SGCD: variants seen among roughly 807,000 people sequenced by gnomAD.
The protein encoded by SGCD is delta-sarcoglycan.
A neutral mutation model predicts 36.6 loss-of-function variants in SGCD; 18 were observed. The ratio of observed to expected loss-of-function variants is 0.49; its 90% confidence interval spans 0.34 to 0.73. SGCD has a LOEUF of 0.73. Ranked by LOEUF, SGCD falls within the 30% of genes least tolerant of loss-of-function variation. The probability of loss-of-function intolerance (pLI) is 0.01; values close to 1 mark genes in which losing one functional copy is unlikely to be tolerated. For synonymous variants in SGCD, 133 were observed against 130.6 expected, an observed-to-expected ratio of 1.02 and a Z score of -0.12; for missense variants, 387 against 346.7, an observed-to-expected ratio of 1.12 and a Z score of -0.92.
At chr5:156,680,953 G>A (rs766002971) in intron 7 of SGCD, among the ~76,000 whole-genome samples, 1 of 152,148 alleles carries the variant, frequency 6.6e-6, no homozygotes, top group African/African-American at 2.4e-5. Context: ...GCCAGCGAGT[G>A]AGTGCAGGAA....
intron 6 of SGCD, among the ~76,000 whole-genome samples, chr5:156,638,556 A>C (rs114816053): frequency 0.011 from 1,666 of 152,270 alleles, 31 homozygotes; most frequent in African/African-American, 0.037. Context: ...CCTTACCTAG[A>C]GGCTGCCTTG....
At chr5:156,130,040 C>A (rs1037678414) in intron 3 of SGCD, among the ~76,000 whole-genome samples, 1 of 152,132 alleles carries the variant, frequency 6.6e-6, no homozygotes, top group African/African-American at 2.4e-5. Flanking sequence ...GGTAATTCTG[C>A]TTTTAGCTGT....
chr5:156,584,139 A>G (rs1760395356), intron 4 of SGCD, among the ~76,000 whole-genome samples: 1 of 152,172 alleles, frequency 6.6e-6, no homozygotes, highest in African/African-American at 2.4e-5. Flanking sequence ...TATCTCCCTT[A>G]AGCATCAAAC....
intron 4 of SGCD, among the ~76,000 whole-genome samples, chr5:156,519,986 A>G (rs1757332985): frequency 6.6e-6 from 1 of 152,182 alleles, no homozygotes; most frequent in Non-Finnish European, 1.5e-5. Flanking sequence ...CACCACTCCT[A>G]TTCAACATAG....
chr5:156,416,199 A>C (rs1311638853), intron 3 of SGCD, among the ~76,000 whole-genome samples: 1 of 152,332 alleles, frequency 6.6e-6, no homozygotes, highest in South Asian at 2.1e-4. Flanking sequence ...AAAAGGAATA[A>C]AATAATGGCA....
At chr5:155,917,034 C>T (rs1396008898) in intron 1 of SGCD, among the ~76,000 whole-genome samples, 3 of 152,102 alleles carry the variant, frequency 2.0e-5, no homozygotes, top group East Asian at 1.9e-4. Flanking sequence ...ATCTGTAGAG[C>T]GTTTCCGAGT....
At chr5:156,384,552 G>A (rs555628678) in intron 3 of SGCD, among the ~76,000 whole-genome samples, 27 of 152,146 alleles carry the variant, frequency 1.8e-4, no homozygotes, top group Non-Finnish European at 3.2e-4. Flanking sequence ...AACACCATAT[G>A]TGTGTTGAAT....
intron 7 of SGCD, among the ~76,000 whole-genome samples, chr5:156,751,495 C>T (rs933316174): frequency 2.0e-5 from 3 of 152,050 alleles, no homozygotes; most frequent in African/African-American, 7.2e-5. Flanking sequence ...CTCTGTTCAT[C>T]CACAGATGGT....
rs1224803345 is a variant in SGCD at position 156,759,289 on chromosome 5, C to T, written c.772C>T (p.Gln258Ter). Residue 258 changes from glutamine to a stop codon, truncating the protein, a stop_gained, in exon 9 of 9, where the codon CAG becomes TAG. Transcript: ENST00000337851. LOFTEE classifies it high-confidence loss of function. ...HGSYTPTGTRQKVFEICVCAN... is the reference protein window; with the variant it reads ...HGSYTPTGTR Reference sequence around the variant, plus strand: ...ATCCTACACGCCTACAGGAACGAGGCAGAAGGTCTTCGAGATCTGCGTCTG... The same window carrying T: ...ATCCTACACGCCTACAGGAACGAGGTAGAAGGTCTTCGAGATCTGCGTCTG... The T allele has an allele frequency of 6.2e-7, 1 of 1,613,686 alleles. No homozygotes were observed. The highest frequency in any genetic ancestry group is 8.5e-7 in the Non-Finnish European group (1 of 1,179,638).
chr5:155,996,686 G>A (rs1758551612), intron 1 of SGCD, among the ~76,000 whole-genome samples: 1 of 150,010 alleles, frequency 6.7e-6, no homozygotes, highest in Non-Finnish European at 1.5e-5. Flanking sequence ...GGTTGAAGCA[G>A]AAGAATCACT....
At chr5:156,743,503 C>T (rs1756795175) in intron 7 of SGCD, among the ~76,000 whole-genome samples, 1 of 152,102 alleles carries the variant, frequency 6.6e-6, no homozygotes. Flanking sequence ...ATGCTGAATG[C>T]TGGTCCTTCT....
chr5:155,970,594 C>CT (rs1256550354), intron 1 of SGCD, among the ~76,000 whole-genome samples: 1 of 152,052 alleles, frequency 6.6e-6, no homozygotes, highest in Non-Finnish European at 1.5e-5. Flanking sequence ...AATAAAGTGG[C>CT]TACAGAGTGA....
chr5:156,625,201 G>A (rs1482076114), intron 6 of SGCD, among the ~76,000 whole-genome samples: 2 of 152,098 alleles, frequency 1.3e-5, no homozygotes, highest in African/African-American at 4.8e-5. Context: ...TAGGACATTG[G>A]CAGTGTTTCT....
chr5:156,525,741 T>G (rs1271864159), intron 4 of SGCD, among the ~76,000 whole-genome samples: 1 of 152,164 alleles, frequency 6.6e-6, no homozygotes. Flanking sequence ...TAACCCATTT[T>G]TGAGTTGATT....
intron 1 of SGCD, among the ~76,000 whole-genome samples, chr5:155,928,316 A>G (rs1211143660): frequency 2.0e-5 from 3 of 152,328 alleles, no homozygotes; most frequent in African/African-American, 7.2e-5. Flanking sequence ...TTATGTATCA[A>G]TCAAATGAAT....
Position 156,277,931 on chromosome 5 carries a change from A to G in SGCD, c.-43-51603A>G, listed in dbSNP as rs546420561. 2.9e-4 allele frequency among the ~76,000 whole-genome samples: 44 copies of G among 152,330 alleles called. No homozygotes were observed. The South Asian group carries it at 8.7e-3, about 30-fold the overall frequency. Reference sequence around the variant, plus strand: ...TGAAACTGAAGGTCTGATCTGAGAAATGGACATTACGCACACAATTGTATA... The same window carrying G: ...TGAAACTGAAGGTCTGATCTGAGAAGTGGACATTACGCACACAATTGTATA... On this transcript the variant is annotated intron_variant, in intron 3 of 9. Coordinates refer to the SGCD transcript ENST00000517913.
At chr5:155,844,984 C>A in the SGCD span, among the ~76,000 whole-genome samples, 4 of 152,068 alleles carry the variant, frequency 2.6e-5, no homozygotes, top group Non-Finnish European at 4.4e-5. Context: ...CCCATCAACC[C>A]GTCATCTACA....
chr5:156,184,386 C>A (rs1361735333), intron 3 of SGCD, among the ~76,000 whole-genome samples: 7 of 97,388 alleles, frequency 7.2e-5, no homozygotes, highest in Non-Finnish European at 1.2e-4. Flanking sequence ...TTTTTTTTTT[C>A]ATTGTAAGCC....
intron 7 of SGCD, among the ~76,000 whole-genome samples, chr5:156,648,523 C>T (rs1292898101): frequency 6.6e-6 from 1 of 152,104 alleles, no homozygotes; most frequent in Non-Finnish European, 1.5e-5. Context: ...TTATAAAACC[C>T]ATAGCATTTT....
Sources: allele counts gnomAD v4.1 joint callset (sites outside exome capture counted in the v4.1 genomes callset), GRCh38; gene constraint gnomAD v4.1.1; transcripts MANE v1.5; gene names NCBI Gene and HGNC (gene_info 2026-07-23, HGNC 2026-07-21).